PLXNA4: variants seen among roughly 807,000 people sequenced by gnomAD.
The protein encoded by PLXNA4 is plexin A4, also known as plexin-A4.
A neutral mutation model predicts 191.8 loss-of-function variants in PLXNA4; 44 were observed. The observed-to-expected ratio is 0.23, with a 90% confidence interval of 0.18 to 0.29. The LOEUF is 0.29. PLXNA4 is among the 10% of genes least tolerant of loss of function. The probability of loss-of-function intolerance (pLI) is 1.00; values close to 1 mark genes in which losing one functional copy is unlikely to be tolerated. For synonymous variants in PLXNA4, 1,082 were observed against 1,009.5 expected (o/e 1.07, Z -1.36); for missense variants, 1,800 against 2,488.8 (o/e 0.72, Z 5.89).
chr7:132,597,987 C>CTGG (rs1386916512), intron 2 of PLXNA4, among the ~76,000 whole-genome samples: 1 of 152,052 alleles, frequency 6.6e-6, no homozygotes, highest in African/African-American at 2.4e-5. Flanking sequence ...GGTGCAATCC[C>CTGG]GTTAGGGACC....
chr7:132,323,648 A>C (rs1055741179), intron 3 of PLXNA4, among the ~76,000 whole-genome samples: 15 of 152,174 alleles, frequency 9.9e-5, no homozygotes, highest in Admixed American at 9.8e-4. Flanking sequence ...CCATGGGTGA[A>C]TGTTCCACTT....
chr7:132,552,380 G>A (rs1042197494), intron 1 of PLXNA4, among the ~76,000 whole-genome samples: 2 of 152,120 alleles, frequency 1.3e-5, no homozygotes, highest in Non-Finnish European at 2.9e-5. Context: ...ATTTGTTTGG[G>A]GCTCTTTGTT....
intron 2 of PLXNA4, among the ~76,000 whole-genome samples, chr7:132,599,428 C>G (rs891572017): frequency 6.6e-6 from 1 of 152,156 alleles, no homozygotes; most frequent in Non-Finnish European, 1.5e-5. Context: ...TTAACTTTTT[C>G]TCTGGAAGGA....
intron 3 of PLXNA4, among the ~76,000 whole-genome samples, chr7:132,353,776 T>C (rs1803586687): frequency 6.6e-6 from 1 of 152,154 alleles, no homozygotes; most frequent in Admixed American, 6.5e-5. Context: ...CCATTTATTA[T>C]GGGGAGAACT....
chr7:132,365,050 G>A (rs552055343), intron 3 of PLXNA4, among the ~76,000 whole-genome samples: 5 of 152,230 alleles, frequency 3.3e-5, no homozygotes, highest in South Asian at 2.1e-4. Flanking sequence ...GTCCATCCTC[G>A]TGAATGCCCT....
At chr7:132,564,052 C>CTGT (rs147358337) in intron 1 of PLXNA4, among the ~76,000 whole-genome samples, 56,107 of 56,520 alleles carry the variant, frequency 0.99, 27,857 homozygotes, top group Middle Eastern at 1. Flanking sequence ...TTTCCTCCCC[C>CTGT]TCTTTCTCCT....
rs1208139972 is a variant in PLXNA4 at position 132,297,955 on chromosome 7, G to A, written c.1503+136C>T. ...AGTCCCCAGGCAGCATAACTGAAAA[G>A]TATAACTGAAAAGATACATACTACG... On this transcript the variant is annotated intron_variant, in intron 4 of 31. Coordinates refer to ENST00000321063, the MANE Select transcript of PLXNA4 (RefSeq NM_020911.2). 1.7e-5 allele frequency: 19 copies of A among 1,142,194 alleles called. 1 individual carries two copies. In the South Asian group the frequency reaches 2.6e-4, roughly 16 times the overall value. The allele number at this position is 1,142,194 out of a possible 1,614,324, so 70.8% of individuals were successfully genotyped here.
At position 132,405,335 on chromosome 7, in the gene PLXNA4, G is replaced by A. The variant is rs557564056; in HGVS notation, c.1371+83957C>T. ...GCAGGACTAGGCTGTGCCTACAGCT[G>A]CTCTTACTTAGGAAATCCTAGGAAC... On this transcript the variant is annotated intron_variant, in intron 3 of 31. Transcript: ENST00000321063. Among the ~76,000 whole-genome samples, 422 of 152,202 alleles carry A rather than the reference G, an allele frequency of 2.8e-3. 1 individual carries two copies. Among genetic ancestry groups the A allele is most frequent in the Non-Finnish European group, 4.6e-3 (313 of 67,998 alleles).
intron 3 of PLXNA4, among the ~76,000 whole-genome samples, chr7:132,488,261 G>C (rs558195419): frequency 1.3e-5 from 2 of 152,274 alleles, no homozygotes; most frequent in East Asian, 3.9e-4. Context: ...ATGATTGCTG[G>C]GCTGTTACAT....
chr7:132,181,357 C>A, intron 18 of PLXNA4, 24 bp downstream of exon 18: 2 of 1,612,866 alleles, frequency 1.2e-6, no homozygotes, highest in South Asian at 1.1e-5. Flanking sequence ...TTCCCACCCC[C>A]GCCTCCCACC....
chr7:132,642,947 A>G (rs1396663349), intron 2 of PLXNA4, among the ~76,000 whole-genome samples: 1 of 151,834 alleles, frequency 6.6e-6, no homozygotes, highest in Non-Finnish European at 1.5e-5. Context: ...TAATTTACAC[A>G]TGCTTATATG....
upstream of PLXNA4, chr7:132,576,977 CCCCCGGCAGCCCGCGGCCGGCCGCG>C (rs904503036): frequency 7.5e-5 from 11 of 146,174 alleles, no homozygotes; most frequent in Non-Finnish European, 1.7e-4. The surrounding 1 kb of genome is among the most constrained non-coding windows in gnomAD (Gnocchi z 5.8). Flanking sequence ...CGGCGGCCGC[CCCCCGGCAGCCCGCGGCCGGCCGCG>C]CCGCGGCAGC....
At position 132,128,244 on chromosome 7, in the gene PLXNA4, C is replaced by T. The variant is rs1435175293; in HGVS notation, c.*2235G>A. ...TCAAGGATAGAAAAGTCAAGCTTCT[C>T]CACCTGGTACTGCACTTGCCAAAAC... On this transcript the variant is annotated 3_prime_UTR_variant, in exon 32 of 32. Coordinates refer to ENST00000321063, the MANE Select transcript of PLXNA4 (RefSeq NM_020911.2). 2.0e-5 allele frequency: 3 copies of T among 152,240 alleles called. No homozygotes were observed. The highest frequency in any genetic ancestry group is 2.9e-5 in the Non-Finnish European group (2 of 68,052). 9.4% of individuals were successfully genotyped at this position (152,240 alleles called of 1,614,324 possible). A position where few individuals can be genotyped will look rare whatever the true frequency, so the allele number is the denominator to read the frequency against.
chr7:132,161,844 G>C (rs967891291), intron 24 of PLXNA4, among the ~76,000 whole-genome samples: 3 of 152,130 alleles, frequency 2.0e-5, no homozygotes, highest in Non-Finnish European at 2.9e-5. Flanking sequence ...GCTCCCACGT[G>C]GGTACCCAGT....
intron 3 of PLXNA4, among the ~76,000 whole-genome samples, chr7:132,464,532 A>G (rs1355286199): frequency 6.6e-6 from 1 of 152,206 alleles, no homozygotes; most frequent in Non-Finnish European, 1.5e-5. Context: ...GTGGGTGTGC[A>G]TCGAAATACA....
chr7:132,588,634 AGGAAGGGAAGGGAAGGGAAGGGAAG>A (rs1188847081), intron 2 of PLXNA4, among the ~76,000 whole-genome samples: 2 of 59,942 alleles, frequency 3.3e-5, no homozygotes, highest in Non-Finnish European at 6.4e-5. Flanking sequence ...TGAGGAAGGA[AGGAAGGGAAGGGAAGGGAAGGGAAG>A]GGAAGGGAAG....
Position 132,508,047 on chromosome 7 carries a change from T to A in PLXNA4, c.647A>T (p.Tyr216Phe). ...GGCCACGAACTCATCATGGAAGACG[T>A]ACGCGAACATGCCATCCGCCTCAGA... The part of the protein sequence containing the change: ...KNSEADGMFA[Y>F]VFHDEFVASM... Residue 216 changes from tyrosine (Y) to phenylalanine (F), a missense_variant, in exon 2 of 32, where the codon TAC becomes TTC. Tyr to Phe is a conservative substitution (Grantham distance 22). Coordinates refer to ENST00000321063, the MANE Select transcript of PLXNA4 (RefSeq NM_020911.2). This position sits in a 1 kb window ranked among gnomAD's most constrained non-coding sequence, Gnocchi z 4.4. The A allele has an allele frequency of 6.2e-7, 1 of 1,614,232 alleles. No homozygotes were observed. Among genetic ancestry groups the A allele is most frequent in the Non-Finnish European group, 8.5e-7 (1 of 1,180,038 alleles).
intron 2 of PLXNA4, among the ~76,000 whole-genome samples, chr7:132,622,546 GAA>G (rs59775711): frequency 9.8e-5 from 14 of 142,266 alleles, no homozygotes; most frequent in African/African-American, 3.6e-4. Context: ...CTATCTGAAG[GAA>G]AAAAAAAAAA....
chr7:132,553,659 A>G (rs995298660), intron 1 of PLXNA4, among the ~76,000 whole-genome samples: 1 of 152,204 alleles, frequency 6.6e-6, no homozygotes, highest in Non-Finnish European at 1.5e-5. Flanking sequence ...TGGGTCAAGC[A>G]TCATGCTTTC....
Sources: allele counts gnomAD v4.1 joint callset (sites outside exome capture counted in the v4.1 genomes callset), GRCh38; gene constraint gnomAD v4.1.1; non-coding constraint Gnocchi (gnomAD v3.1); transcripts MANE v1.5; gene names NCBI Gene and HGNC (gene_info 2026-07-23, HGNC 2026-07-21).